Variants in PLXND1 observed in about 807,000 individuals in gnomAD.
PLXND1 encodes the protein plexin-D1.
A neutral mutation model predicts 197.7 loss-of-function variants in PLXND1; 54 were observed. That is an observed-to-expected ratio of 0.27 (90% CI 0.22 to 0.34). The LOEUF (loss-of-function observed/expected upper bound fraction) is 0.34, where lower values mean the gene tolerates loss of function less well. Ranked by LOEUF, PLXND1 falls within the 10% of genes least tolerant of loss-of-function variation. The probability of loss-of-function intolerance (pLI) is 1.00; values close to 1 mark genes in which losing one functional copy is unlikely to be tolerated. For synonymous variants in PLXND1, 1,180 were observed against 1,161.2 expected, an observed-to-expected ratio of 1.02 and a Z score of -0.33; for missense variants, 2,127 against 2,699.2, an observed-to-expected ratio of 0.79 and a Z score of 4.70.
rs1466336612 is a variant in PLXND1, at chr3:129,574,317, C to T, written c.2685+19G>A. ...GTGCCGGAGTGCGGGTGCCACGTGC[C>T]TCCACTGGGCATGCTTACCGCGTGG... is the stretch of plus-strand genomic sequence containing the variant. On this transcript the variant is annotated intron_variant, in intron 12 of 35. Transcript: ENST00000324093. The T allele has an allele frequency of 1.3e-6, 2 of 1,575,518 alleles. No individual in the cohort carries two copies. The highest frequency in any genetic ancestry group is 8.6e-7 in the Non-Finnish European group (1 of 1,161,108).
At chr3:129,565,662 C>T (rs904798008) in intron 24 of PLXND1, 124 bp from the exon 25 acceptor site, 14 of 936,478 alleles carry the variant, frequency 1.5e-5, no homozygotes, top group South Asian at 3.1e-5. Flanking sequence ...GTGGGTCCTG[C>T]GAGGGGTGAG....
intron 1 of PLXND1, among the ~76,000 whole-genome samples, chr3:129,590,775 C>T (rs923067718): frequency 6.6e-6 from 1 of 152,210 alleles, no homozygotes; most frequent in Non-Finnish European, 1.5e-5. Flanking sequence ...GAAACTGAGG[C>T]TCAGAGGGGA....
intron 1 of PLXND1, among the ~76,000 whole-genome samples, chr3:129,604,881 C>G (rs2085760868): frequency 6.6e-6 from 1 of 152,236 alleles, no homozygotes; most frequent in East Asian, 1.9e-4. Context: ...CCTTGCACAC[C>G]TGCCACACCC....
At chr3:129,597,212 T>C (rs537964428) in intron 1 of PLXND1, among the ~76,000 whole-genome samples, 90 of 152,254 alleles carry the variant, frequency 5.9e-4, no homozygotes, top group African/African-American at 2.0e-3. Flanking sequence ...AGCGCAGGCC[T>C]GCGGGCTCCA....
At chr3:129,589,315 C>G in intron 2 of PLXND1, 36 bp downstream of exon 2, 12 of 605,720 alleles carry the variant, frequency 2.0e-5, no homozygotes, top group South Asian at 3.3e-5. Flanking sequence ...GAGCCTCCCA[C>G]CCCCACCCCC....
At chr3:129,588,082 G>A (rs751941106) in intron 2 of PLXND1, among the ~76,000 whole-genome samples, 5 of 152,260 alleles carry the variant, frequency 3.3e-5, no homozygotes, top group Non-Finnish European at 5.9e-5. Flanking sequence ...GGCGATTTAA[G>A]GCCCGAGCAG....
Position 129,572,664 on chromosome 3 carries a change from C to T in PLXND1, c.3022G>A (p.Val1008Ile). Residue 1008 changes from valine (V) to isoleucine (I), a missense_variant, in exon 15 of 36, where the codon GTA becomes ATA. By Grantham distance (29) the Val-to-Ile change is conservative. Around this residue, in one of 6 missense-constraint regions of PLXND1, gnomAD observed 1,095 missense variants for 1,259.8 expected, o/e 0.87. Transcript: ENST00000324093. ...ACCAGGACCTGGAGCTCGGAGCCTA[C>T]ATGGAGGTCATTCCCATGGATGGTG... ...RITIHGNDLH[V>I]GSELQVLVND... 1 of 1,605,230 alleles carries T rather than the reference C, an allele frequency of 6.2e-7. No homozygotes were observed. Among genetic ancestry groups the T allele is most frequent in the Non-Finnish European group, 8.5e-7 (1 of 1,175,362 alleles).
Position 129,562,950 on chromosome 3 carries a change from G to C in PLXND1, c.4669-7C>G, listed in dbSNP as rs760874402. 23 of 1,602,640 alleles carry C rather than the reference G, an allele frequency of 1.4e-5. No homozygotes were observed. The highest frequency in any genetic ancestry group is 1.4e-5 in the Non-Finnish European group (16 of 1,170,458). On this transcript the variant is annotated splice_region_variant and splice_polypyrimidine_tract_variant and intron_variant, in intron 26 of 35. Transcript: ENST00000324093. ...GGAAGGACACGTTCAGGTTCTGCAGGGGGAGAGTGGGAGAGAAAGGTCAGT... is the reference window on the plus strand; with the variant it reads ...GGAAGGACACGTTCAGGTTCTGCAGCGGGAGAGTGGGAGAGAAAGGTCAGT...
intron 25 of PLXND1, among the ~76,000 whole-genome samples, chr3:129,565,000 C>G (rs530723347): frequency 6.0e-4 from 92 of 152,242 alleles, no homozygotes; most frequent in Non-Finnish European, 1.1e-3. Context: ...GCTGGGAGAG[C>G]CTCAAGGGCC....
chr3:129,603,822 G>C (rs1260618687), intron 1 of PLXND1, among the ~76,000 whole-genome samples: 1 of 152,204 alleles, frequency 6.6e-6, no homozygotes, highest in Non-Finnish European at 1.5e-5. Context: ...CCCAAGGAAG[G>C]CTTGGGTCAC....
At chr3:129,589,310 TCCCACCCCCAC>T in intron 2 of PLXND1, 30 bp downstream of exon 2, 2 of 501,292 alleles carry the variant, frequency 4.0e-6, no homozygotes, top group Non-Finnish European at 7.6e-6. Flanking sequence ...CAGGGGAGCC[TCCCACCCCCAC>T]CCCCTCCCCA....
chr3:129,581,043 C>T (rs901279276), intron 8 of PLXND1, among the ~76,000 whole-genome samples: 2 of 152,160 alleles, frequency 1.3e-5, no homozygotes, highest in African/African-American at 2.4e-5. Flanking sequence ...CCACTTTGCA[C>T]ATCTTTCACG....
chr3:129,586,780 G>C (rs890588696), intron 2 of PLXND1, 61 bp from the exon 3 acceptor site: 205 of 1,561,084 alleles, frequency 1.3e-4, no homozygotes, highest in Non-Finnish European at 1.7e-4. Flanking sequence ...AAACCCAGGG[G>C]ACAACCTGAG....
chr3:129,600,342 A>G (rs551340096), intron 1 of PLXND1, among the ~76,000 whole-genome samples: 1 of 151,916 alleles, frequency 6.6e-6, no homozygotes, highest in Non-Finnish European at 1.5e-5. Flanking sequence ...TGATACTAAT[A>G]CCTGTGCCTG....
intron 20 of PLXND1, among the ~76,000 whole-genome samples, chr3:129,568,505 A>G (rs1437387050): frequency 1.3e-5 from 2 of 152,170 alleles, no homozygotes; most frequent in Non-Finnish European, 2.9e-5. Context: ...TAACGTACAT[A>G]CCATATAATC....
intron 23 of PLXND1, 139 bp downstream of exon 23, chr3:129,566,388 G>A (rs1038094070): frequency 7.4e-6 from 5 of 671,450 alleles, no homozygotes; most frequent in African/African-American, 1.8e-5. Flanking sequence ...GGGATGGAGG[G>A]CTCAGTACCT....
intron 6 of PLXND1, 61 bp from the exon 7 acceptor site, chr3:129,584,294 A>C: frequency 6.3e-7 from 1 of 1,595,324 alleles, no homozygotes; most frequent in Non-Finnish European, 8.6e-7. Flanking sequence ...CCAACATCAG[A>C]AGCTGTGACC....
Position 129,580,143 on chromosome 3 carries a change from C to A in PLXND1, c.2242-1710G>T, listed in dbSNP as rs138994335. Among the ~76,000 whole-genome samples the A allele has an allele frequency of 2.1e-3, 316 of 152,296 alleles. 2 individuals carry two copies. The highest frequency in any genetic ancestry group is 7.5e-3 in the African/African-American group (311 of 41,562). ...AGTTTGCCTACAGTGGAATGAGCAA[C>A]ACAGGAAGGCTCCAGTTGTCCAGAC... On this transcript the variant is annotated intron_variant, in intron 8 of 35. Coordinates refer to ENST00000324093, the MANE Select transcript of PLXND1 (RefSeq NM_015103.3).
Position 129,557,299 on chromosome 3 carries a change from C to A in PLXND1, c.5446-76G>T. The A allele has an allele frequency of 1.3e-6, 2 of 1,542,882 alleles. No individual in the cohort carries two copies. The highest frequency in any genetic ancestry group is 1.8e-6 in the Non-Finnish European group (2 of 1,122,702). On this transcript the variant is annotated intron_variant, in intron 33 of 35. Transcript: ENST00000324093. This position sits in a 1 kb window ranked among gnomAD's most constrained non-coding sequence, Gnocchi z 4.8. Reference sequence around the variant, plus strand: ...TCTGGTCGTTTTCTGGATGAGCCCTCATCCCTCCTGCCACATAAGTGACCT... The same window carrying A: ...TCTGGTCGTTTTCTGGATGAGCCCTAATCCCTCCTGCCACATAAGTGACCT...
Sources: allele counts gnomAD v4.1 joint callset (sites outside exome capture counted in the v4.1 genomes callset), GRCh38; gene constraint gnomAD v4.1.1; regional missense constraint gnomAD v4.1.1; non-coding constraint Gnocchi (gnomAD v3.1); transcripts MANE v1.5; gene names NCBI Gene and HGNC (gene_info 2026-07-23, HGNC 2026-07-21).